The following RAB7B variants were observed in gnomAD, a reference collection of about 807,000 sequenced individuals.
RAB7B encodes the protein ras-related protein Rab-7b.
Position 205,992,485 on chromosome 1 carries a change from G to C in RAB7B, c.391C>G (p.Arg131Gly). 2.5e-6 allele frequency: 1 copy of C among 398,602 alleles called. No individual in the cohort carries two copies. Among genetic ancestry groups the C allele is most frequent in the Non-Finnish European group, 4.4e-6 (1 of 226,082 alleles). The allele number at this position is 398,602 out of a possible 1,614,324, so 24.7% of individuals were successfully genotyped here. The change falls in exon 4 of 6, where the codon CGG becomes GGG. Residue 131 changes from arginine (R) to glycine (G), a missense_variant. Coordinates refer to ENST00000617070, the MANE Select transcript of RAB7B (RefSeq NM_001164522.3). ...LLGNKIDLADRKVPQEVAQGW... is the reference protein window; with the variant it reads ...LLGNKIDLADGKVPQEVAQGW... ...AATAAATGAACGAACAGTACCTTCC[G>C]GTCTGCCAGATCGATCTTGTTCCCC...
At chr1:206,002,278 C>A (rs1306325117) in intron 1 of RAB7B, among the ~76,000 whole-genome samples, 3 of 152,204 alleles carry the variant, frequency 2.0e-5, no homozygotes, top group Non-Finnish European at 2.9e-5. Flanking sequence ...GGAAGTGTAC[C>A]TACAGCCCTG....
At chr1:205,989,307 T>C (rs1660959943) in intron 4 of RAB7B, among the ~76,000 whole-genome samples, 2 of 152,118 alleles carry the variant, frequency 1.3e-5, no homozygotes, top group African/African-American at 2.4e-5. Flanking sequence ...GCTTGCCTGG[T>C]GCCTCATTGC....
At chr1:205,995,413 A>G (rs1330367054) in intron 1 of RAB7B, among the ~76,000 whole-genome samples, 1 of 152,218 alleles carries the variant, frequency 6.6e-6, no homozygotes, top group Non-Finnish European at 1.5e-5. Context: ...AAGGAAATGA[A>G]ATCAGTATGT....
intron 4 of RAB7B, among the ~76,000 whole-genome samples, chr1:205,992,090 G>T (rs1660731030): frequency 6.6e-6 from 1 of 152,132 alleles, no homozygotes; most frequent in African/African-American, 2.4e-5. Context: ...CCTCCCTCCT[G>T]CCTACATCTG....
At chr1:205,992,134 A>C (rs1393730503) in intron 4 of RAB7B, among the ~76,000 whole-genome samples, 1 of 152,204 alleles carries the variant, frequency 6.6e-6, no homozygotes, top group African/African-American at 2.4e-5. Flanking sequence ...GTCTCTGGAC[A>C]AAATTACCTT....
At chr1:205,983,435 A>AC (rs1476809492) in intron 5 of RAB7B, among the ~76,000 whole-genome samples, 3 of 150,540 alleles carry the variant, frequency 2.0e-5, no homozygotes, top group South Asian at 4.2e-4. Flanking sequence ...TCTTAATCAC[A>AC]CCCCCCACAG....
chr1:205,987,413 G>C (rs1660630381), intron 4 of RAB7B, among the ~76,000 whole-genome samples: 2 of 152,096 alleles, frequency 1.3e-5, no homozygotes, highest in Admixed American at 6.6e-5. Flanking sequence ...TCACTTTTCT[G>C]GTTGCAATTT....
intron 4 of RAB7B, among the ~76,000 whole-genome samples, chr1:205,992,211 A>G (rs1304357672): frequency 1.3e-5 from 2 of 152,212 alleles, no homozygotes; most frequent in African/African-American, 2.4e-5. Flanking sequence ...AACCTGTCCT[A>G]TATTCTAGGC....
At chr1:206,002,969 C>G (rs1359083501) in intron 1 of RAB7B, among the ~76,000 whole-genome samples, 1 of 152,254 alleles carries the variant, frequency 6.6e-6, no homozygotes, top group Non-Finnish European at 1.5e-5. Flanking sequence ...GCAGCGCCAT[C>G]CTCTCCTGAC....
chr1:205,997,770 C>T (rs961824652), intron 1 of RAB7B, among the ~76,000 whole-genome samples: 269 of 152,202 alleles, frequency 1.8e-3, no homozygotes, highest in Non-Finnish European at 2.7e-3. Context: ...GTCCTAGGAG[C>T]AAAGGGAAGC....
intron 4 of RAB7B, among the ~76,000 whole-genome samples, chr1:205,988,769 G>A (rs1428868997): frequency 2.0e-5 from 3 of 152,166 alleles, no homozygotes; most frequent in South Asian, 4.1e-4. Context: ...CCAGGTGGGC[G>A]GCTGTGAGTC....
chr1:205,988,043 T>G (rs1660260272), intron 4 of RAB7B, among the ~76,000 whole-genome samples: 1 of 152,014 alleles, frequency 6.6e-6, no homozygotes, highest in East Asian at 1.9e-4. Context: ...CCTGGCTCAT[T>G]GTAACCATTT....
At chr1:205,989,042 C>T (rs1660670302) in intron 4 of RAB7B, among the ~76,000 whole-genome samples, 1 of 151,922 alleles carries the variant, frequency 6.6e-6, no homozygotes, top group East Asian at 1.9e-4. Flanking sequence ...CGCTCAGTGC[C>T]TCCTCCCCTC....
At chr1:205,990,204 C>A (rs1003219005) in intron 4 of RAB7B, among the ~76,000 whole-genome samples, 2 of 152,104 alleles carry the variant, frequency 1.3e-5, no homozygotes, top group African/African-American at 4.8e-5. Flanking sequence ...AATCCCACAG[C>A]GTGGATATAA....
chr1:205,992,170 T>A (rs1281085570), intron 4 of RAB7B, among the ~76,000 whole-genome samples: 3 of 152,212 alleles, frequency 2.0e-5, no homozygotes, highest in African/African-American at 7.2e-5. Flanking sequence ...ATCATGCTGT[T>A]TATTCAGCCC....
intron 4 of RAB7B, among the ~76,000 whole-genome samples, chr1:205,989,729 G>A (rs931525833): frequency 5.3e-5 from 8 of 151,958 alleles, no homozygotes; most frequent in Non-Finnish European, 1.0e-4. Flanking sequence ...GTTTCTTGGT[G>A]CCCTCGCAGC....
Position 205,978,349 on chromosome 1 carries a change from A to C in RAB7B, c.*502T>G, listed in dbSNP as rs1053590758. On this transcript the variant is annotated 3_prime_UTR_variant, in exon 6 of 6. Coordinates refer to ENST00000617070, the MANE Select transcript of RAB7B (RefSeq NM_001164522.3). ...TTCTGCCAGGAGCTGAGGCGGGCCCAGCATGTGGGGTCCAGACCTTTACTC... is the reference window on the plus strand; with the variant it reads ...TTCTGCCAGGAGCTGAGGCGGGCCCCGCATGTGGGGTCCAGACCTTTACTC... 6.6e-6 allele frequency: 1 copy of C among 152,370 alleles called. No individual in the cohort carries two copies. The highest frequency in any genetic ancestry group is 2.4e-5 in the African/African-American group (1 of 41,426). 9.4% of individuals were successfully genotyped at this position (152,370 alleles called of 1,614,324 possible).
chr1:205,990,768 C>T (rs1375213214), intron 4 of RAB7B, among the ~76,000 whole-genome samples: 1 of 148,500 alleles, frequency 6.7e-6, no homozygotes, highest in African/African-American at 2.5e-5. Context: ...CCAGAGAGTG[C>T]AAGACTGTCT....
rs905253744 is a variant in RAB7B, at chr1:205,991,916, C to T, written c.396+564G>A. 2.5e-3 allele frequency among the ~76,000 whole-genome samples: 374 copies of T among 152,278 alleles called. 4 individuals carry two copies. The highest frequency in any genetic ancestry group is 2.6e-3 in the Non-Finnish European group (178 of 68,040). On this transcript the variant is annotated intron_variant, in intron 4 of 5. Coordinates refer to ENST00000617070, the MANE Select transcript of RAB7B (RefSeq NM_001164522.3). ...GGGTCACTGTAGTCATGGAGCAGAC[C>T]AACTGTCAAGTGGTTAACCCGATGG...
Sources: allele counts gnomAD v4.1 joint callset (sites outside exome capture counted in the v4.1 genomes callset), GRCh38; gene constraint gnomAD v4.1.1; transcripts MANE v1.5; gene names NCBI Gene and HGNC (gene_info 2026-07-23, HGNC 2026-07-21).